Variants in CLVS1 observed in about 807,000 individuals in gnomAD.
CLVS1 encodes clavesin 1.
CLVS1 carries 10 observed loss-of-function variants against 33.1 expected under a neutral mutation model. The observed-to-expected ratio is 0.30, with a 90% CI of 0.19 to 0.51. The LOEUF (loss-of-function observed/expected upper bound fraction) is 0.51. Ranked by LOEUF, CLVS1 falls within the 20% of genes least tolerant of loss-of-function variation. The pLI, the probability that CLVS1 is intolerant of heterozygous loss-of-function variation, is 0.97. For missense variants in CLVS1, 343 were observed against 433.4 expected (o/e 0.79, Z 1.85); for synonymous variants, 163 against 166.1 (o/e 0.98, Z 0.14).
chr8:61,337,796 T>G (rs1323400804), intron 2 of CLVS1, among the ~76,000 whole-genome samples: 3 of 151,742 alleles, frequency 2.0e-5, no homozygotes, highest in African/African-American at 7.3e-5. Flanking sequence ...AGGGCGGGGG[T>G]CTAGATTCTG....
intron 1 of CLVS1, among the ~76,000 whole-genome samples, chr8:61,063,371 G>A (rs140454561): frequency 1.3e-5 from 2 of 151,716 alleles, no homozygotes; most frequent in Admixed American, 6.6e-5. Flanking sequence ...GTTCTCTGGA[G>A]GAGGCTAAGC....
At chr8:61,347,068 G>A (rs926360530) in intron 2 of CLVS1, among the ~76,000 whole-genome samples, 2 of 152,178 alleles carry the variant, frequency 1.3e-5, no homozygotes, top group Non-Finnish European at 2.9e-5. Context: ...ACTCTAAGGA[G>A]CATGAATCAC....
chr8:61,286,026 A>AT (rs138563592), upstream of CLVS1, among the ~76,000 whole-genome samples: 115 of 145,582 alleles, frequency 7.9e-4, no homozygotes, highest in Non-Finnish European at 1.3e-3. Context: ...TGTGCAGGCC[A>AT]TTTTTTTTTT....
upstream of CLVS1, among the ~76,000 whole-genome samples, chr8:61,054,904 A>C (rs1273665926): frequency 6.6e-6 from 1 of 152,188 alleles, no homozygotes; most frequent in Non-Finnish European, 1.5e-5. Context: ...GAGCCTTGGA[A>C]TATCTATGCA....
chr8:61,129,796 G>A (rs1300223822), intron 1 of CLVS1, among the ~76,000 whole-genome samples: 1 of 152,166 alleles, frequency 6.6e-6, no homozygotes, highest in Non-Finnish European at 1.5e-5. Flanking sequence ...CACCTTGGAG[G>A]TTAACTTTAC....
At chr8:61,004,469 G>T in the CLVS1 span, among the ~76,000 whole-genome samples, 1 of 152,334 alleles carries the variant, frequency 6.6e-6, no homozygotes, top group South Asian at 2.1e-4. Flanking sequence ...TGAGAGGCCA[G>T]CCCTGACTGA....
intron 5 of CLVS1, among the ~76,000 whole-genome samples, chr8:61,485,187 C>T (rs1803828400): frequency 6.6e-6 from 1 of 152,098 alleles, no homozygotes; most frequent in Admixed American, 6.5e-5. Context: ...ATTTTCGCAA[C>T]CTACTCATCT....
At chr8:61,303,355 C>T (rs925076928) in intron 2 of CLVS1, among the ~76,000 whole-genome samples, 2 of 152,188 alleles carry the variant, frequency 1.3e-5, no homozygotes, top group African/African-American at 4.8e-5. Context: ...CTCTCTATTT[C>T]TCAATTCTCT....
chr8:61,486,038 T>C (rs1803868093), intron 5 of CLVS1, among the ~76,000 whole-genome samples: 1 of 152,090 alleles, frequency 6.6e-6, no homozygotes, highest in South Asian at 2.1e-4. Context: ...ATGGCACATG[T>C]ATACATATGT....
chr8:61,400,937 T>C lies in CLVS1; in HGVS notation c.630+24158T>C, dbSNP rs1336875024. 3.9e-5 allele frequency among the ~76,000 whole-genome samples: 6 copies of C among 152,214 alleles called. No individual in the cohort carries two copies. In the East Asian group the frequency reaches 1.2e-3, roughly 29 times the overall value. ...TGGGCTGTGGGATTCAGTTTGCCAGTATTTTGTTGAGGATTTTTGCAATGA... is the reference window on the plus strand; with the variant it reads ...TGGGCTGTGGGATTCAGTTTGCCAGCATTTTGTTGAGGATTTTTGCAATGA... On this transcript the variant is annotated intron_variant, in intron 3 of 5. Transcript: ENST00000325897.
At chr8:61,391,570 G>A (rs910040439) in intron 3 of CLVS1, among the ~76,000 whole-genome samples, 3 of 152,182 alleles carry the variant, frequency 2.0e-5, no homozygotes, top group African/African-American at 7.2e-5. Flanking sequence ...CTGGATTTTA[G>A]TAATTTAAAG....
chr8:61,274,852 A>G (rs765077002), intron 2 of CLVS1, among the ~76,000 whole-genome samples: 4 of 152,206 alleles, frequency 2.6e-5, no homozygotes, highest in African/African-American at 4.8e-5. Context: ...AACTCTGTCC[A>G]TTTCTCCAAG....
chr8:60,990,705 T>G, the CLVS1 span, among the ~76,000 whole-genome samples: 2 of 146,144 alleles, frequency 1.4e-5, no homozygotes, highest in African/African-American at 5.0e-5. Context: ...ATTAACAGGG[T>G]TTTTTTTGTT....
intron 5 of CLVS1, among the ~76,000 whole-genome samples, chr8:61,485,072 A>G (rs1803822967): frequency 6.6e-6 from 1 of 152,196 alleles, no homozygotes; most frequent in African/African-American, 2.4e-5. Flanking sequence ...AGCAATGGCA[A>G]CAAAAGCCAA....
At chr8:61,471,408 A>G (rs1417361523) in intron 5 of CLVS1, among the ~76,000 whole-genome samples, 1 of 152,212 alleles carries the variant, frequency 6.6e-6, no homozygotes, top group African/African-American at 2.4e-5. Context: ...CTCACTAAAA[A>G]TGAAAAATCC....
chr8:61,477,958 A>G (rs1057022804), intron 5 of CLVS1, among the ~76,000 whole-genome samples: 1 of 146,776 alleles, frequency 6.8e-6, no homozygotes, highest in African/African-American at 2.7e-5. Context: ...TTCCCTCTAC[A>G]CACTGCTTTG....
rs1472941462 is a variant in CLVS1 at position 61,247,962 on chromosome 8, A to G, written c.-151-51715A>G. ...ATCCATCTTGAATTGATTTTTGTAT[A>G]TGGTGTAAGGAAGGGGGTCCAGTTT... is the stretch of plus-strand genomic sequence containing the variant. On this transcript the variant is annotated intron_variant, in intron 2 of 2. Transcript: ENST00000522621. Among the ~76,000 whole-genome samples, 7 of 152,204 alleles carry G rather than the reference A, an allele frequency of 4.6e-5. No individual in the cohort carries two copies. The East Asian group carries it at 1.4e-3, about 29-fold the overall frequency.
At chr8:61,265,064 G>C (rs1447777743) in intron 2 of CLVS1, among the ~76,000 whole-genome samples, 3 of 152,050 alleles carry the variant, frequency 2.0e-5, no homozygotes, top group African/African-American at 7.2e-5. Context: ...GGTCCCACAG[G>C]TCCATAAGGG....
intron 2 of CLVS1, among the ~76,000 whole-genome samples, chr8:61,239,010 T>C (rs1808632608): frequency 6.6e-6 from 1 of 152,230 alleles, no homozygotes; most frequent in South Asian, 2.1e-4. Context: ...CTCCAGCACT[T>C]CCAGCAGATA....
Sources: gnomAD v4.1 joint callset for allele counts (sites outside exome capture counted in the v4.1 genomes callset) on GRCh38, gnomAD v4.1.1 for gene constraint, MANE v1.5 for transcripts, NCBI Gene and HGNC (gene_info 2026-07-23, HGNC 2026-07-21) for gene names.